The following MITF variants were observed in gnomAD, a reference collection of about 807,000 sequenced individuals.
MITF encodes melanocyte inducing transcription factor, also known as microphthalmia-associated transcription factor.
Under a neutral mutation model 60.5 loss-of-function variants are expected in MITF, and 17 were observed. The ratio of observed to expected loss-of-function variants is 0.28; its 90% CI spans 0.19 to 0.42. The LOEUF (loss-of-function observed/expected upper bound fraction) is 0.42. Among genes scored for constraint, MITF ranks in the 10% least tolerant of loss-of-function variants. The pLI, the probability that MITF is intolerant of heterozygous loss-of-function variation, is 1.00. For synonymous variants in MITF, 260 were observed against 248.5 expected, an observed-to-expected ratio of 1.05 and a Z score of -0.43; for missense variants, 622 against 683.5, an observed-to-expected ratio of 0.91 and a Z score of 1.00.
intron 1 of MITF, among the ~76,000 whole-genome samples, chr3:69,781,997 C>T (rs1284117011): frequency 2.7e-5 from 4 of 150,034 alleles, no homozygotes; most frequent in Non-Finnish European, 5.9e-5. Context: ...GTTCATTGCA[C>T]TAAAGATTTA....
At chr3:69,959,026 T>TGGGGGGGAGGGGGGGGGGGGGGGGGGAG (rs1576053737) in intron 8 of MITF, among the ~76,000 whole-genome samples, 1 of 58,292 alleles carries the variant, frequency 1.7e-5, no homozygotes, top group African/African-American at 6.8e-5. Flanking sequence ...GGGGGTGGGA[T>TGGGGGGGAGGGGGGGGGGGGGGGGGGAG]GGGGGTGAGG....
At chr3:69,816,729 C>A (rs564799995) in intron 1 of MITF, among the ~76,000 whole-genome samples, 1 of 152,094 alleles carries the variant, frequency 6.6e-6, no homozygotes, top group Non-Finnish European at 1.5e-5. Flanking sequence ...GGTTTATGAG[C>A]ATTATTTGTG....
At chr3:69,810,579 A>C (rs2063085164) in intron 1 of MITF, among the ~76,000 whole-genome samples, 1 of 152,192 alleles carries the variant, frequency 6.6e-6, no homozygotes, top group Non-Finnish European at 1.5e-5. Context: ...CTCCCTGAAA[A>C]GACATGTAAT....
chr3:69,869,062 C>T (rs1394960884), intron 1 of MITF, among the ~76,000 whole-genome samples: 3 of 152,032 alleles, frequency 2.0e-5, no homozygotes, highest in Non-Finnish European at 4.4e-5. Flanking sequence ...CAGAGTTCTC[C>T]GTCTCTGGAT....
At chr3:69,843,796 A>T (rs1202214532) in intron 1 of MITF, among the ~76,000 whole-genome samples, 4 of 152,090 alleles carry the variant, frequency 2.6e-5, no homozygotes, top group African/African-American at 9.7e-5. Context: ...CAGAACGTAC[A>T]GGTTTGTTAC....
chr3:69,873,770 C>T (rs2107257440), intron 1 of MITF, among the ~76,000 whole-genome samples: 1 of 152,292 alleles, frequency 6.6e-6, no homozygotes, highest in African/African-American at 2.4e-5. Context: ...TCCAGCTCTC[C>T]TACTATGCAG....
At chr3:69,902,850 C>T (rs2065022209) in intron 2 of MITF, among the ~76,000 whole-genome samples, 1 of 147,954 alleles carries the variant, frequency 6.8e-6, no homozygotes. Flanking sequence ...TAATGTCTGC[C>T]TTTTTTTTTA....
chr3:69,842,285 G>A (rs1296765684), intron 1 of MITF, among the ~76,000 whole-genome samples: 2 of 152,120 alleles, frequency 1.3e-5, no homozygotes, highest in Admixed American at 6.5e-5. Context: ...GGAGCACAAT[G>A]CTAAAAAATT....
chr3:69,763,710 T>C (rs2062245230), intron 1 of MITF: 1 of 1,315,060 alleles, frequency 7.6e-7, no homozygotes, highest in African/African-American at 1.5e-5. Flanking sequence ...TTTTCAGCTC[T>C]CTTCTGTAGC....
At chr3:69,819,063 A>G (rs914208349) in intron 1 of MITF, among the ~76,000 whole-genome samples, 3 of 152,186 alleles carry the variant, frequency 2.0e-5, no homozygotes, top group African/African-American at 4.8e-5. Flanking sequence ...AAGAAGAAAA[A>G]TGTGCATGAA....
intron 2 of MITF, among the ~76,000 whole-genome samples, chr3:69,927,095 A>G (rs922581896): frequency 6.6e-6 from 1 of 152,214 alleles, no homozygotes; most frequent in African/African-American, 2.4e-5. Context: ...GTCATTGTTG[A>G]GACTTGACCG....
intron 9 of MITF, among the ~76,000 whole-genome samples, chr3:69,963,211 A>G (rs1396002237): frequency 1.3e-5 from 2 of 152,224 alleles, no homozygotes; most frequent in African/African-American, 2.4e-5. Flanking sequence ...ATAGGAATGT[A>G]TGTGAGGAAG....
intron 7 of MITF, among the ~76,000 whole-genome samples, chr3:69,955,090 A>G (rs1210790391): frequency 6.6e-6 from 1 of 152,232 alleles, no homozygotes; most frequent in Non-Finnish European, 1.5e-5. Flanking sequence ...GATTTATAAA[A>G]TAGGAATGCT....
At position 69,868,088 on chromosome 3, in the gene MITF, C is replaced by T. The variant is rs75255343; in HGVS notation, c.105-11046C>T. On this transcript the variant is annotated intron_variant, in intron 1 of 9. Coordinates refer to ENST00000352241, the MANE Select transcript of MITF (RefSeq NM_001354604.2). ...AGAAAGTAACTTGTCAGCTTTGACTCGTTTTTAGATATTAAGATGTTCAGC... is the reference window on the plus strand; with the variant it reads ...AGAAAGTAACTTGTCAGCTTTGACTTGTTTTTAGATATTAAGATGTTCAGC... Among the ~76,000 whole-genome samples, 1,214 of 152,214 alleles carry T rather than the reference C, an allele frequency of 8.0e-3. 9 individuals are homozygous for T. Among genetic ancestry groups the T allele is most frequent in the African/African-American group, 0.026 (1,080 of 41,508 alleles).
intron 1 of MITF, among the ~76,000 whole-genome samples, chr3:69,841,573 A>G (rs1271572752): frequency 6.6e-6 from 1 of 152,214 alleles, no homozygotes; most frequent in Non-Finnish European, 1.5e-5. Context: ...AAATTTGGAA[A>G]CTTTAATCAG....
At position 69,906,799 on chromosome 3, in the gene MITF, C is replaced by A. The variant is rs1014141369; in HGVS notation, c.354+27416C>A. On this transcript the variant is annotated intron_variant, in intron 2 of 9. Coordinates refer to ENST00000352241, the MANE Select transcript of MITF (RefSeq NM_001354604.2). ...TTTGTTTGTTTATTGTGTAATATGC[C>A]CAGATGGAGAGCATCTAGAATGGAG... is the stretch of plus-strand genomic sequence containing the variant. Among the ~76,000 whole-genome samples the A allele has an allele frequency of 6.6e-5, 10 of 152,088 alleles. No homozygotes were observed. In the South Asian group the frequency reaches 2.1e-3, roughly 32 times the overall value.
intron 1 of MITF, among the ~76,000 whole-genome samples, chr3:69,859,134 TCCTGTCTC>T (rs2063968654): frequency 6.6e-6 from 1 of 152,192 alleles, no homozygotes. Flanking sequence ...CACCACACTA[TCCTGTCTC>T]CAGTTGGAAA....
chr3:69,830,682 T>C (rs2063431828), intron 1 of MITF, among the ~76,000 whole-genome samples: 1 of 152,200 alleles, frequency 6.6e-6, no homozygotes, highest in African/African-American at 2.4e-5. Flanking sequence ...GTCTGGTGTA[T>C]AATGGGTGCT....
At chr3:69,961,247 G>T (rs2066536079) in intron 9 of MITF, among the ~76,000 whole-genome samples, 1 of 151,854 alleles carries the variant, frequency 6.6e-6, no homozygotes, top group Non-Finnish European at 1.5e-5. Context: ...GCTGGGCATG[G>T]TGGCGGGCGC....
Sources: gnomAD v4.1 joint callset for allele counts (sites outside exome capture counted in the v4.1 genomes callset) on GRCh38, gnomAD v4.1.1 for gene constraint, MANE v1.5 for transcripts, NCBI Gene and HGNC (gene_info 2026-07-23, HGNC 2026-07-21) for gene names.